Variants in FECH observed in about 807,000 individuals in gnomAD.
The protein encoded by FECH is ferrochelatase, mitochondrial.
FECH carries 40 observed loss-of-function variants against 56.9 expected under a neutral mutation model. The ratio of observed to expected loss-of-function variants is 0.70; its 90% CI spans 0.55 to 0.92. The LOEUF (loss-of-function observed/expected upper bound fraction) is 0.92, where lower values mean the gene tolerates loss of function less well. Ranked by LOEUF, FECH falls within the 40% of genes least tolerant of loss-of-function variation. The pLI is 0.00. For missense variants in FECH, 431 were observed against 529.1 expected, an observed-to-expected ratio of 0.81 and a Z score of 1.82; for synonymous variants, 175 against 198.6, an observed-to-expected ratio of 0.88 and a Z score of 1.00.
chr18:57,566,025 C>A (rs1039877700), intron 5 of FECH, among the ~76,000 whole-genome samples: 1 of 152,330 alleles, frequency 6.6e-6, no homozygotes, highest in East Asian at 1.9e-4. Flanking sequence ...ACAACAGCAA[C>A]AAAATATCAG....
chr18:57,572,733 C>T (rs1314049540), intron 3 of FECH, among the ~76,000 whole-genome samples: 4 of 151,798 alleles, frequency 2.6e-5, no homozygotes, highest in African/African-American at 9.7e-5. Flanking sequence ...GTGAAAGGGA[C>T]ACTTGCCTTT....
intron 1 of FECH, among the ~76,000 whole-genome samples, chr18:57,580,630 T>G (rs948842432): frequency 2.0e-5 from 3 of 152,180 alleles, no homozygotes; most frequent in African/African-American, 7.2e-5. Flanking sequence ...TTCTCCTTTC[T>G]GCCTCCAAGC....
intron 9 of FECH, among the ~76,000 whole-genome samples, chr18:57,553,405 A>C (rs778321492): frequency 3.3e-5 from 5 of 151,956 alleles, no homozygotes; most frequent in Non-Finnish European, 7.4e-5. Flanking sequence ...CCTGCCCTAC[A>C]CCTGCTGCCC....
chr18:57,576,095 C>G (rs2051182268), intron 2 of FECH, among the ~76,000 whole-genome samples: 1 of 152,172 alleles, frequency 6.6e-6, no homozygotes, highest in African/African-American at 2.4e-5. Context: ...ATGCAGGAGC[C>G]TTGGCAGCAT....
At chr18:57,569,582 G>A (rs1305085286) in intron 4 of FECH, among the ~76,000 whole-genome samples, 1 of 152,162 alleles carries the variant, frequency 6.6e-6, no homozygotes, top group East Asian at 1.9e-4. Context: ...ACAGGAGGTG[G>A]CGGGAAGGAT....
At chr18:57,571,303 T>C in intron 4 of FECH, 89 bp downstream of exon 4, 4 of 1,367,166 alleles carry the variant, frequency 2.9e-6, no homozygotes, top group Middle Eastern at 1.8e-4. Flanking sequence ...CCAGTACATA[T>C]GAAGCATTTA....
chr18:57,562,753 A>C, intron 6 of FECH, 121 bp downstream of exon 6: 1 of 746,320 alleles, frequency 1.3e-6, no homozygotes, highest in Non-Finnish European at 2.4e-6. Context: ...TTTAATCCCA[A>C]ACACACAATT....
chr18:57,563,912 C>A (rs1490067347), intron 5 of FECH, among the ~76,000 whole-genome samples: 2 of 152,078 alleles, frequency 1.3e-5, no homozygotes, highest in Non-Finnish European at 2.9e-5. Flanking sequence ...GAGTTTTGCT[C>A]TTGTTGCCCA....
rs1276914804 is a variant in FECH, at chr18:57,580,292, T to C, written c.68-93A>G. On this transcript the variant is annotated intron_variant, in intron 1 of 10. Transcript: ENST00000262093. ...GAGCATAATTCCTGACTTTAAAATT[T>C]AAAGAGATCCCATGGCAGAAATGAT... 1.2e-5 allele frequency: 18 copies of C among 1,477,992 alleles called. No individual in the cohort carries two copies. The East Asian group carries it at 2.3e-4, about 19-fold the overall frequency. 91.6% of individuals were successfully genotyped at this position (1,477,992 alleles called of 1,614,324 possible). A position where few individuals can be genotyped will look rare whatever the true frequency, so the allele number is the denominator to read the frequency against.
In FECH at chr18:57,549,859, A is replaced by G. The variant is rs998911288; in HGVS notation, c.*853T>C. The G allele has an allele frequency of 6.6e-6, 1 of 152,246 alleles. No homozygotes were observed. The highest frequency in any genetic ancestry group is 1.5e-5 in the Non-Finnish European group (1 of 68,046). The allele number at this position is 152,246 out of a possible 1,614,324, so 9.4% of individuals were successfully genotyped here. ...CAAATGTTCAGAAAGAAGGCATTCA[A>G]CTAAGATAGAGAAGATGCTGGATGG... On this transcript the variant is annotated 3_prime_UTR_variant, in exon 11 of 11. Transcript: ENST00000262093.
chr18:57,582,535 G>A (rs2051297219), intron 1 of FECH, among the ~76,000 whole-genome samples: 1 of 151,656 alleles, frequency 6.6e-6, no homozygotes, highest in African/African-American at 2.4e-5. Context: ...GGCAGAGGTG[G>A]GAGGATCGCT....
At position 57,568,063 on chromosome 18, in the gene FECH, G is replaced by A. The variant is rs59919063; in HGVS notation, c.464-1482C>T. Among the ~76,000 whole-genome samples the A allele has an allele frequency of 8.0e-3, 1,219 of 152,234 alleles. 9 individuals are homozygous for A. The highest frequency in any genetic ancestry group is 0.027 in the African/African-American group (1,101 of 41,528). On this transcript the variant is annotated intron_variant, in intron 4 of 10. Coordinates refer to ENST00000262093, the MANE Select transcript of FECH (RefSeq NM_000140.5). Reference sequence around the variant, plus strand: ...GATTATGTGCTTTGTGCTAAAAACCGCCAACTATTACAATACCATCAAATC... The same window carrying A: ...GATTATGTGCTTTGTGCTAAAAACCACCAACTATTACAATACCATCAAATC...
chr18:57,580,173 G>A lies in FECH; in HGVS notation c.94C>T (p.Gln32Ter), dbSNP rs1365916196. 2 of 1,614,224 alleles carry A rather than the reference G, an allele frequency of 1.2e-6. No individual in the cohort carries two copies. The highest frequency in any genetic ancestry group is 1.7e-6 in the Non-Finnish European group (2 of 1,180,048). Residue 32 changes from glutamine (Q) to a stop codon, truncating the protein, a stop_gained, in exon 2 of 11, where the codon CAG (glutamine) becomes TAG (stop). Coordinates refer to ENST00000262093, the MANE Select transcript of FECH (RefSeq NM_000140.5). LOFTEE classifies it high-confidence loss of function. ...GCACCTGACTTCCACCTCCATGGCT[G>A]ACAGACCCTCCAGCTGCTGGATGCC... ...PLASSSWRVC[Q>*]PWRWKSGAAA...
chr18:57,550,772 C>T lies in FECH; in HGVS notation c.1212G>A (p.Pro404=), dbSNP rs765020215. Residue 404 remains proline (P), a synonymous_variant, in exon 11 of 11, where the codon CCG becomes CCA. Coordinates refer to ENST00000262093, the MANE Select transcript of FECH (RefSeq NM_000140.5). ...LCSKQLTLSC[P]LCVNPVCRET... is the part of the protein sequence containing the mutation. Reference sequence around the variant, plus strand: ...CCCTGCAGACAGGATTGACACAGAGCGGACAGCTCAGGGTCAGCTGCTTGG... The same window carrying T: ...CCCTGCAGACAGGATTGACACAGAGTGGACAGCTCAGGGTCAGCTGCTTGG... The T allele has an allele frequency of 2.5e-6, 4 of 1,614,120 alleles. No homozygotes were observed. Among genetic ancestry groups the T allele is most frequent in the Non-Finnish European group, 1.7e-6 (2 of 1,180,012 alleles).
At chr18:57,571,335 T>C in intron 4 of FECH, 57 bp downstream of exon 4, 1 of 1,585,544 alleles carries the variant, frequency 6.3e-7, no homozygotes, top group South Asian at 1.1e-5. Context: ...TCTTTTGAAT[T>C]TCATAACTAC....
chr18:57,581,328 G>C (rs1272634496), intron 1 of FECH, among the ~76,000 whole-genome samples: 1 of 152,202 alleles, frequency 6.6e-6, no homozygotes, highest in East Asian at 1.9e-4. Flanking sequence ...GAATTGAGGA[G>C]ATCATGTGCC....
In FECH at chr18:57,549,284, T is replaced by C. The variant is rs1568140476; in HGVS notation, c.*1428A>G. 1 of 152,198 alleles carries C rather than the reference T, an allele frequency of 6.6e-6. No individual in the cohort carries two copies. Among genetic ancestry groups the C allele is most frequent in the South Asian group, 2.1e-4 (1 of 4,832 alleles). 9.4% of individuals were successfully genotyped at this position (152,198 alleles called of 1,614,324 possible). On this transcript the variant is annotated 3_prime_UTR_variant, in exon 11 of 11. Coordinates refer to ENST00000262093, the MANE Select transcript of FECH (RefSeq NM_000140.5). ...AGCTCCTCACATTTAATAATTCTGA[T>C]TTAGATCAGTTTTGATTTAACAGAC...
At chr18:57,554,814 C>A in intron 8 of FECH, 31 bp downstream of exon 8, 2 of 1,556,716 alleles carry the variant, frequency 1.3e-6, no homozygotes, top group Middle Eastern at 1.7e-4. Flanking sequence ...CCAATAAGAG[C>A]TGGCCGCCCG....
intron 4 of FECH, 53 bp downstream of exon 4, chr18:57,571,339 T>A: frequency 6.3e-7 from 1 of 1,590,400 alleles, no homozygotes; most frequent in Non-Finnish European, 8.6e-7. Context: ...TTGAATTTCA[T>A]AACTACTTCG....
Sources: gnomAD v4.1 joint callset for allele counts (sites outside exome capture counted in the v4.1 genomes callset) on GRCh38, gnomAD v4.1.1 for gene constraint, MANE v1.5 for transcripts, NCBI Gene and HGNC (gene_info 2026-07-23, HGNC 2026-07-21) for gene names.